Variants in KCTD16 observed in about 807,000 individuals in gnomAD.
KCTD16 encodes potassium channel tetramerization domain containing 16.
A neutral mutation model predicts 33.2 loss-of-function variants in KCTD16; 13 were observed. That is an observed-to-expected ratio of 0.39 (90% CI 0.25 to 0.62). KCTD16 has a LOEUF of 0.62. Among genes scored for constraint, KCTD16 ranks in the 20% least tolerant of loss-of-function variants. The pLI is 0.50. For synonymous variants in KCTD16, 197 were observed against 195.3 expected (o/e 1.01, Z -0.07); for missense variants, 441 against 525.1 (o/e 0.84, Z 1.57).
intron 3 of KCTD16, among the ~76,000 whole-genome samples, chr5:144,233,026 A>G (rs1442651176): frequency 2.6e-5 from 4 of 152,022 alleles, no homozygotes; most frequent in Admixed American, 2.6e-4. Flanking sequence ...TCATCAGTAG[A>G]CCTGGGAATT....
At chr5:144,278,538 C>T (rs1267823777) in intron 3 of KCTD16, among the ~76,000 whole-genome samples, 7 of 138,166 alleles carry the variant, frequency 5.1e-5, no homozygotes, top group African/African-American at 1.1e-4. Flanking sequence ...TCGCCCAGGC[C>T]GGACTGCGGA....
intron 3 of KCTD16, among the ~76,000 whole-genome samples, chr5:144,208,420 A>G (rs1753258561): frequency 6.6e-6 from 1 of 152,244 alleles, no homozygotes; most frequent in East Asian, 1.9e-4. Context: ...ATTCTAAACT[A>G]TAAACTGTGA....
intron 2 of KCTD16, among the ~76,000 whole-genome samples, chr5:144,176,515 G>C (rs1752511167): frequency 6.8e-6 from 1 of 147,368 alleles, no homozygotes; most frequent in South Asian, 2.1e-4. Flanking sequence ...CCATTCTCCT[G>C]CCTCAGCCTC....
At position 144,452,146 on chromosome 5, in the gene KCTD16, T is replaced by TTATATA. The variant is rs140891816; in HGVS notation, c.833-21500_833-21495dup. Among the ~76,000 whole-genome samples, 38 of 138,176 alleles carry TTATATA rather than the reference T, an allele frequency of 2.8e-4. No homozygotes were observed. In the East Asian group the frequency reaches 4.2e-3, roughly 15 times the overall value. The allele number at this position is 138,176 out of a possible 152,430, so 90.6% of individuals were successfully genotyped here. A position where few individuals can be genotyped will look rare whatever the true frequency, so the allele number is the denominator to read the frequency against. On this transcript the variant is annotated intron_variant, in intron 3 of 3. Transcript: ENST00000512467. ...CAAAACACATTAAATATATATAATA[T>TTATATA]TATATATATATATATATATTCCTGT...
intron 3 of KCTD16, among the ~76,000 whole-genome samples, chr5:144,451,527 C>A (rs949581365): frequency 3.9e-5 from 6 of 152,018 alleles, no homozygotes; most frequent in African/African-American, 1.4e-4. Context: ...ATAACTGAAG[C>A]AAAAGTCTCA....
At chr5:144,299,361 A>T (rs903725246) in intron 3 of KCTD16, among the ~76,000 whole-genome samples, 3 of 151,322 alleles carry the variant, frequency 2.0e-5, no homozygotes, top group African/African-American at 7.3e-5. Flanking sequence ...CAGAATAACA[A>T]CTTACGACAT....
At chr5:144,299,898 TAAAAAAA>T (rs66821172) in intron 3 of KCTD16, among the ~76,000 whole-genome samples, 2 of 128,898 alleles carry the variant, frequency 1.6e-5, no homozygotes, top group Non-Finnish European at 3.3e-5. Context: ...CAGAATCATT[TAAAAAAA>T]AAAAAAAAAA....
intron 3 of KCTD16, among the ~76,000 whole-genome samples, chr5:144,288,608 G>C (rs1301168534): frequency 2.0e-5 from 3 of 152,130 alleles, no homozygotes; most frequent in Non-Finnish European, 4.4e-5. Flanking sequence ...ATGACATTTA[G>C]GTAGCCAATA....
intron 3 of KCTD16, among the ~76,000 whole-genome samples, chr5:144,416,625 A>T (rs748519103): frequency 6.6e-6 from 1 of 152,178 alleles, no homozygotes; most frequent in Non-Finnish European, 1.5e-5. Context: ...TTGAAGTGAG[A>T]TTTGCATAAC....
At chr5:144,353,468 A>G (rs1178054596) in intron 3 of KCTD16, among the ~76,000 whole-genome samples, 1 of 152,204 alleles carries the variant, frequency 6.6e-6, no homozygotes, top group African/African-American at 2.4e-5. Context: ...CTAATTTTTA[A>G]TCTTCAAGCC....
rs1754638894 is a variant in KCTD16 at position 144,478,419 on chromosome 5, C to T, written c.*4305C>T. The T allele has an allele frequency of 6.6e-6, 1 of 151,978 alleles. No individual in the cohort carries two copies. The highest frequency in any genetic ancestry group is 6.6e-5 in the Admixed American group (1 of 15,224). 9.4% of individuals were successfully genotyped at this position (151,978 alleles called of 1,614,324 possible). On this transcript the variant is annotated 3_prime_UTR_variant, in exon 4 of 4. Coordinates refer to ENST00000512467, the MANE Select transcript of KCTD16 (RefSeq NM_020768.4). ...CACAGAGCTTATTTGTTTGAAATGC[C>T]TATTATTCTCATCTTGCTGTATACG...
At chr5:144,469,661 G>T (rs2126999658) in intron 3 of KCTD16, among the ~76,000 whole-genome samples, 1 of 152,164 alleles carries the variant, frequency 6.6e-6, no homozygotes, top group African/African-American at 2.4e-5. Context: ...TGAGTAAACT[G>T]AGGCTCAGAG....
intron 3 of KCTD16, among the ~76,000 whole-genome samples, chr5:144,289,400 A>C (rs1755833894): frequency 6.6e-6 from 1 of 152,190 alleles, no homozygotes; most frequent in African/African-American, 2.4e-5. Flanking sequence ...GTCATTAATA[A>C]GTTTTACCTG....
chr5:144,192,247 G>A (rs1580777775), intron 2 of KCTD16, among the ~76,000 whole-genome samples: 1 of 152,284 alleles, frequency 6.6e-6, no homozygotes, highest in East Asian at 1.9e-4. Flanking sequence ...GCCCCCTTCT[G>A]TTACTCTAGA....
chr5:144,204,361 G>A (rs182849657), intron 2 of KCTD16, among the ~76,000 whole-genome samples: 1 of 152,290 alleles, frequency 6.6e-6, no homozygotes, highest in Non-Finnish European at 1.5e-5. Flanking sequence ...GTGTTTTAAA[G>A]GGGAAATGGC....
chr5:144,346,302 G>C (rs1235802879), intron 3 of KCTD16, among the ~76,000 whole-genome samples: 2 of 152,178 alleles, frequency 1.3e-5, no homozygotes, highest in African/African-American at 4.8e-5. Context: ...ATTGAAAGCA[G>C]TGCTGTAACA....
chr5:144,179,578 G>A (rs1752576024), intron 2 of KCTD16, among the ~76,000 whole-genome samples: 1 of 152,154 alleles, frequency 6.6e-6, no homozygotes, highest in South Asian at 2.1e-4. Context: ...TTGGGAACAG[G>A]GATCCTTCCT....
At chr5:144,197,453 C>T (rs1348343582) in intron 2 of KCTD16, among the ~76,000 whole-genome samples, 1 of 152,148 alleles carries the variant, frequency 6.6e-6, no homozygotes, top group Non-Finnish European at 1.5e-5. Context: ...CCAGATGAAA[C>T]TTCTGGATAC....
rs1754761111 is a variant in KCTD16, at chr5:144,484,340, T to C, written c.*10226T>C. The C allele has an allele frequency of 6.6e-6, 1 of 151,896 alleles. No individual in the cohort carries two copies. Among genetic ancestry groups the C allele is most frequent in the Admixed American group, 6.6e-5 (1 of 15,228 alleles). The allele number at this position is 151,896 out of a possible 1,614,324, so 9.4% of individuals were successfully genotyped here. A position where few individuals can be genotyped will look rare whatever the true frequency, so the allele number is the denominator to read the frequency against. ...ATAGAATCTGCTTTAAATGAGTCAC[T>C]CCTTAGACTGGCAATGACACCCAGC... On this transcript the variant is annotated 3_prime_UTR_variant, in exon 4 of 4. Coordinates refer to ENST00000512467, the MANE Select transcript of KCTD16 (RefSeq NM_020768.4).
Sources: gnomAD v4.1 joint callset for allele counts (sites outside exome capture counted in the v4.1 genomes callset) on GRCh38, gnomAD v4.1.1 for gene constraint, MANE v1.5 for transcripts, NCBI Gene and HGNC (gene_info 2026-07-23, HGNC 2026-07-21) for gene names.